The following SLC5A4 variants were observed in gnomAD, a reference collection of about 807,000 sequenced individuals.
The protein encoded by SLC5A4 is solute carrier family 5 member 4, also known as probable glucose sensor protein SLC5A4.
Under a neutral mutation model 70.3 loss-of-function variants are expected in SLC5A4, and 55 were observed. The observed-to-expected ratio is 0.78, with a 90% CI of 0.63 to 0.98. The LOEUF is 0.98. Ranked by LOEUF, SLC5A4 falls within the 50% of genes least tolerant of loss-of-function variation. The pLI is 0.00. For synonymous variants in SLC5A4, 268 were observed against 305.7 expected (o/e 0.88, Z 1.29); for missense variants, 735 against 839.2 (o/e 0.88, Z 1.53).
chr22:32,247,918 C>A (rs547460564), intron 4 of SLC5A4, among the ~76,000 whole-genome samples: 1 of 152,178 alleles, frequency 6.6e-6, no homozygotes, highest in Admixed American at 6.5e-5. Flanking sequence ...ATGGTGGCCT[C>A]GGGCACTCCG....
the SLC5A4 span, among the ~76,000 whole-genome samples, chr22:32,337,191 A>G: frequency 6.6e-6 from 1 of 152,194 alleles, no homozygotes; most frequent in African/African-American, 2.4e-5. Flanking sequence ...TGTCCTGGCT[A>G]TCATCGCCCT....
At position 32,218,551 on chromosome 22, in the gene SLC5A4, A is replaced by G; in HGVS notation, c.1943T>C (p.Leu648Pro). The G allele has an allele frequency of 6.2e-7, 1 of 1,613,492 alleles. No homozygotes were observed. Among genetic ancestry groups the G allele is most frequent in the Non-Finnish European group, 8.5e-7 (1 of 1,179,744 alleles). Residue 648 changes from leucine to proline, a missense_variant, in exon 15 of 15, where the codon CTG becomes CCG. Transcript: ENST00000266086. ...TIVNINAILLLAVVVFIHGYY... is the reference protein window; with the variant it reads ...TIVNINAILLPAVVVFIHGYY... ...GCCGTGAATAAAGACCACCACAGCC[A>G]GGAGGAGGATGGCGTTGATGTTCAC... is the stretch of plus-strand genomic sequence containing the variant.
intron 3 of SLC5A4, among the ~76,000 whole-genome samples, chr22:32,249,562 G>T (rs1451211488): frequency 6.6e-6 from 1 of 152,186 alleles, no homozygotes; most frequent in Non-Finnish European, 1.5e-5. Flanking sequence ...TAAATGTAGG[G>T]GCAAAATCTT....
chr22:32,285,100 T>A, the SLC5A4 span: 1 of 152,232 alleles, frequency 6.6e-6, no homozygotes, highest in Non-Finnish European at 1.5e-5. Flanking sequence ...GCCACAAATC[T>A]TTTAGTGTTA....
Position 32,238,966 on chromosome 22 carries a change from A to G in SLC5A4, c.583+19T>C. The G allele has an allele frequency of 6.3e-7, 1 of 1,583,344 alleles. No individual in the cohort carries two copies. The highest frequency in any genetic ancestry group is 8.7e-7 in the Non-Finnish European group (1 of 1,151,886). ...CAGCAAAAGATAGCCTGAGTGAGCA[A>G]AATATGCAACATACTTACCAGTGGT... is the stretch of plus-strand genomic sequence containing the variant. On this transcript the variant is annotated intron_variant, in intron 6 of 14. Transcript: ENST00000266086.
At chr22:32,307,579 T>C in the SLC5A4 span, among the ~76,000 whole-genome samples, 2 of 152,168 alleles carry the variant, frequency 1.3e-5, no homozygotes, top group African/African-American at 2.4e-5. Flanking sequence ...TCTAGGAGGA[T>C]CCTGACCTCT....
chr22:32,270,675 G>T, the SLC5A4 span: 1 of 704,258 alleles, frequency 1.4e-6, no homozygotes, highest in Admixed American at 2.0e-5. Flanking sequence ...TGTCGCTGCT[G>T]GGCATCCACC....
the SLC5A4 span, among the ~76,000 whole-genome samples, chr22:32,317,223 C>G: frequency 3.7e-4 from 56 of 152,002 alleles, no homozygotes; most frequent in African/African-American, 1.3e-3. Context: ...TAGACTATAA[C>G]AAAATATATA....
the SLC5A4 span, among the ~76,000 whole-genome samples, chr22:32,315,453 CTT>C: frequency 3.3e-5 from 5 of 151,950 alleles, no homozygotes; most frequent in Admixed American, 6.6e-5. Flanking sequence ...ACTAAAATAA[CTT>C]GATGGAAGGG....
At chr22:32,284,613 G>C in the SLC5A4 span, 2 of 152,318 alleles carry the variant, frequency 1.3e-5, no homozygotes, top group South Asian at 4.2e-4. Flanking sequence ...CTAAGAAGAA[G>C]CACTCCAAGA....
At chr22:32,306,181 A>G in the SLC5A4 span, among the ~76,000 whole-genome samples, 1 of 152,322 alleles carries the variant, frequency 6.6e-6, no homozygotes, top group Non-Finnish European at 1.5e-5. Context: ...ATTACTGTAT[A>G]TAGGCCGGGC....
chr22:32,332,993 T>G, the SLC5A4 span, among the ~76,000 whole-genome samples: 4,038 of 152,252 alleles, frequency 0.027, 170 homozygotes, highest in African/African-American at 0.091. Flanking sequence ...CTGATCAGCA[T>G]CTCCATTAGC....
chr22:32,287,791 A>T, the SLC5A4 span, among the ~76,000 whole-genome samples: 4 of 150,576 alleles, frequency 2.7e-5, no homozygotes, highest in Middle Eastern at 3.5e-3. Flanking sequence ...AGAGCCTAAG[A>T]ATATTTCAAA....
the SLC5A4 span, among the ~76,000 whole-genome samples, chr22:32,322,657 TG>T: frequency 1.3e-5 from 2 of 149,672 alleles, no homozygotes; most frequent in Non-Finnish European, 3.0e-5. Context: ...AAGAGCAGGA[TG>T]GGGGCTGCTT....
chr22:32,240,319 ATC>A (rs143158694), intron 5 of SLC5A4, among the ~76,000 whole-genome samples: 2,517 of 152,172 alleles, frequency 0.017, 60 homozygotes, highest in African/African-American at 0.056. Flanking sequence ...CAACTTAAAA[ATC>A]TCTCTAAGGC....
Position 32,244,496 on chromosome 22 carries a change from G to A in SLC5A4, c.477+2915C>T, listed in dbSNP as rs965463881. On this transcript the variant is annotated intron_variant, in intron 5 of 14. Coordinates refer to ENST00000266086, the MANE Select transcript of SLC5A4 (RefSeq NM_014227.3). ...GTACTATTAAGGAATTAAATCCATG[G>A]TTTTAAAATTGTATGTAAGTAGTTG... Among the ~76,000 whole-genome samples, 27 of 152,244 alleles carry A rather than the reference G, an allele frequency of 1.8e-4. 2 individuals are homozygous for A. The highest frequency in any genetic ancestry group is 1.6e-3 in the Admixed American group (24 of 15,280).
rs1183209512 is a variant in SLC5A4 at position 32,233,051 on chromosome 22, A to T, written c.886-17T>A. On this transcript the variant is annotated splice_polypyrimidine_tract_variant and intron_variant, in intron 8 of 14. Transcript: ENST00000266086. ...CACAATGACCTGCCGGGAGAACGTG[A>T]CACACTCATGAAACAAGCCAGGGGA... 2 of 1,609,202 alleles carry T rather than the reference A, an allele frequency of 1.2e-6. No individual in the cohort carries two copies. Among genetic ancestry groups the T allele is most frequent in the Non-Finnish European group, 1.7e-6 (2 of 1,177,594 alleles).
chr22:32,314,248 C>T, the SLC5A4 span, among the ~76,000 whole-genome samples: 2 of 152,132 alleles, frequency 1.3e-5, no homozygotes, highest in African/African-American at 4.8e-5. Flanking sequence ...CTCCATAGCA[C>T]ACACCTCTAT....
At chr22:32,320,622 C>T in the SLC5A4 span, among the ~76,000 whole-genome samples, 3,733 of 152,328 alleles carry the variant, frequency 0.025, 65 homozygotes, top group Non-Finnish European at 0.038. Context: ...ATTAATGCCA[C>T]TTACACGCTG....
Sources: allele counts gnomAD v4.1 joint callset (sites outside exome capture counted in the v4.1 genomes callset), GRCh38; gene constraint gnomAD v4.1.1; transcripts MANE v1.5; gene names NCBI Gene and HGNC (gene_info 2026-07-23, HGNC 2026-07-21).